CDKL1: variants seen among roughly 807,000 people sequenced by gnomAD.
The protein encoded by CDKL1 is cyclin dependent kinase like 1.
In CDKL1, 41 loss-of-function variants were observed where a neutral mutation model predicts 42.0. That is an observed-to-expected ratio of 0.98 (90% CI 0.76 to 1.27). CDKL1 has a LOEUF of 1.27. Among genes scored for constraint, CDKL1 ranks in the 50% most tolerant of loss-of-function variants. The pLI is 0.00. For missense variants in CDKL1, 394 were observed against 428.4 expected (o/e 0.92, Z 0.71); for synonymous variants, 153 against 158.6 (o/e 0.96, Z 0.26).
chr14:50,355,315 A>T (rs1170430517), intron 3 of CDKL1, among the ~76,000 whole-genome samples: 2 of 152,188 alleles, frequency 1.3e-5, no homozygotes, highest in Non-Finnish European at 2.9e-5. Context: ...ATATTTTCTT[A>T]TGGTAAATTG....
intron 1 of CDKL1, among the ~76,000 whole-genome samples, chr14:50,396,538 G>T (rs369664911): frequency 3.9e-5 from 6 of 152,284 alleles, no homozygotes; most frequent in East Asian, 1.9e-4. Flanking sequence ...TCGTTCATCC[G>T]ATCTAAGACA....
chr14:50,338,835 C>G, intron 7 of CDKL1, 112 bp downstream of exon 7: 2 of 741,500 alleles, frequency 2.7e-6, no homozygotes. Flanking sequence ...TTTTCTTTTT[C>G]TCTGTTAGAC....
intron 8 of CDKL1, chr14:50,332,708 A>G: frequency 6.5e-7 from 1 of 1,531,078 alleles, no homozygotes; most frequent in South Asian, 1.2e-5. Flanking sequence ...AGAGTAAGAT[A>G]TAATTTTAGA....
intron 9 of CDKL1, chr14:50,331,859 A>T: frequency 1.5e-6 from 1 of 659,236 alleles, no homozygotes; most frequent in South Asian, 2.1e-5. Flanking sequence ...GGAGGAAAAC[A>T]GCTCCTTTTT....
In CDKL1 at chr14:50,358,968, A is replaced by G. The variant is rs2034152725; in HGVS notation, c.290+60T>C. ...CCTAGTCTTAAAAAGAGTCATTGCC[A>G]CTTTTCGCTCACAAATCCCAGTGTG... is the stretch of plus-strand genomic sequence containing the variant. On this transcript the variant is annotated intron_variant, in intron 3 of 9. Transcript: ENST00000395834. 1.9e-6 allele frequency: 3 copies of G among 1,553,388 alleles called. No individual in the cohort carries two copies. The Admixed American group carries it at 5.2e-5, about 27-fold the overall frequency.
chr14:50,393,951 T>C (rs1489389951), intron 2 of CDKL1, among the ~76,000 whole-genome samples: 1 of 152,178 alleles, frequency 6.6e-6, no homozygotes, highest in Non-Finnish European at 1.5e-5. Context: ...AACAATGACA[T>C]TTTTTGGAGG....
chr14:50,353,803 G>C (rs773605327), intron 3 of CDKL1, among the ~76,000 whole-genome samples: 1 of 152,134 alleles, frequency 6.6e-6, no homozygotes, highest in Non-Finnish European at 1.5e-5. Context: ...GGCTGGAACA[G>C]GAGGATCGCT....
chr14:50,389,559 T>C (rs528974701), intron 2 of CDKL1, among the ~76,000 whole-genome samples: 1 of 152,298 alleles, frequency 6.6e-6, no homozygotes, highest in African/African-American at 2.4e-5. Flanking sequence ...CTGCATTACG[T>C]TGTGATATTT....
At chr14:50,363,417 A>T (rs966120314) in intron 2 of CDKL1, 1 of 152,752 alleles carries the variant, frequency 6.5e-6, no homozygotes, top group African/African-American at 2.4e-5. Context: ...AAACCTCTGA[A>T]TTGGATTGAC....
intron 8 of CDKL1, chr14:50,332,799 A>C: frequency 1.4e-6 from 1 of 728,826 alleles, no homozygotes; most frequent in Non-Finnish European, 2.2e-6. Context: ...TAGTGTTTTT[A>C]TTTTAAAAAT....
intron 9 of CDKL1, 59 bp downstream of exon 9, chr14:50,332,203 A>G (rs2032985517): frequency 6.2e-7 from 1 of 1,614,080 alleles, no homozygotes; most frequent in African/African-American, 1.3e-5. Context: ...GCCATCCTCA[A>G]GTCTAGATTC....
At chr14:50,365,552 C>T (rs1448964167) in intron 2 of CDKL1, among the ~76,000 whole-genome samples, 2 of 152,122 alleles carry the variant, frequency 1.3e-5, no homozygotes, top group South Asian at 2.1e-4. Flanking sequence ...TCCAGAGCAG[C>T]AGATATGTGG....
At chr14:50,377,510 T>C in intron 2 of CDKL1, 2 of 1,082,786 alleles carry the variant, frequency 1.8e-6, no homozygotes, top group Non-Finnish European at 2.3e-6. Flanking sequence ...CTTTACTTTC[T>C]GGGAGGTGCA....
intron 2 of CDKL1, chr14:50,363,030 C>G (rs1386612976): frequency 2.3e-6 from 1 of 441,764 alleles, no homozygotes; most frequent in African/African-American, 2.0e-5. Context: ...AGGGAGACCA[C>G]GAACCCACTG....
chr14:50,391,939 A>G (rs2035269014), intron 2 of CDKL1, among the ~76,000 whole-genome samples: 2 of 152,154 alleles, frequency 1.3e-5, no homozygotes, highest in Middle Eastern at 6.3e-3. Flanking sequence ...AAACTCTTCA[A>G]AACAGTTGCC....
chr14:50,358,636 CTTTTTTTTTT>C lies in CDKL1; in HGVS notation c.290+382_290+391del, dbSNP rs71118873. 5.3e-3 allele frequency among the ~76,000 whole-genome samples: 361 copies of C among 67,680 alleles called. 19 individuals carry two copies. Among genetic ancestry groups the C allele is most frequent in the African/African-American group, 0.02 (343 of 17,426 alleles). The allele number at this position is 67,680 out of a possible 152,430, so 44.4% of individuals were successfully genotyped here. On this transcript the variant is annotated intron_variant, in intron 3 of 9. Transcript: ENST00000395834. ...CAAACACTGGCTGTTTTTAACTAGT[CTTTTTTTTTT>C]TTTTTTTTTTTGAGACAGAGTCTCA...
rs1473376505 is a variant in CDKL1, at chr14:50,331,897, T to C, written c.966+365A>G. 5 of 837,232 alleles carry C rather than the reference T, an allele frequency of 6.0e-6. No individual in the cohort carries two copies. The East Asian group carries it at 1.1e-4, about 18-fold the overall frequency. The allele number at this position is 837,232 out of a possible 1,614,324, so 51.9% of individuals were successfully genotyped here. On this transcript the variant is annotated intron_variant, in intron 9 of 9. Coordinates refer to ENST00000395834, the MANE Select transcript of CDKL1 (RefSeq NM_004196.7). The stretch of plus-strand genomic sequence containing the variant: ...GACAAACCTGGAGTGTTAGTTTTAA[T>C]ACTAAAAGTGTACATGATGACACAG...
chr14:50,392,309 A>G (rs1274661185), intron 2 of CDKL1, among the ~76,000 whole-genome samples: 1 of 152,020 alleles, frequency 6.6e-6, no homozygotes, highest in African/African-American at 2.4e-5. Flanking sequence ...GGCCAGGTGT[A>G]GTGGCAGGCA....
intron 3 of CDKL1, chr14:50,358,269 C>G (rs2034118437): frequency 1.9e-6 from 1 of 518,410 alleles, no homozygotes; most frequent in Admixed American, 4.1e-5. Context: ...TCACTTGAAA[C>G]CAAAGAAATC....
Sources: gnomAD v4.1 joint callset for allele counts (sites outside exome capture counted in the v4.1 genomes callset) on GRCh38, gnomAD v4.1.1 for gene constraint, MANE v1.5 for transcripts, NCBI Gene and HGNC (gene_info 2026-07-23, HGNC 2026-07-21) for gene names.